Variants in SCNM1 observed in about 807,000 individuals in gnomAD.
SCNM1 encodes sodium channel modifier 1.
Under a neutral mutation model 32.8 loss-of-function variants are expected in SCNM1, and 24 were observed. The ratio of observed to expected loss-of-function variants is 0.73; its 90% CI spans 0.53 to 1.03. The LOEUF is 1.03. SCNM1 is among the 50% of genes least tolerant of loss of function. The pLI, the probability that SCNM1 is intolerant of heterozygous loss-of-function variation, is 0.00. For synonymous variants in SCNM1, 99 were observed against 103.2 expected (o/e 0.96, Z 0.25); for missense variants, 274 against 282.3 (o/e 0.97, Z 0.21).
rs1455464782 is a variant in SCNM1, at chr1:151,166,495, G to A, written c.76G>A (p.Ala26Thr). The A allele has an allele frequency of 6.2e-7, 1 of 1,614,022 alleles. No homozygotes were observed. The highest frequency in any genetic ancestry group is 8.5e-7 in the Non-Finnish European group (1 of 1,179,992). Reference protein sequence around the residue: ...LKKRRVGDLLASYIPEDEALM... With the variant: ...LKKRRVGDLLTSYIPEDEALM... Reference sequence around the variant, plus strand: ...GAAAAGAAGAGTCGGGGACCTCCTAGCCAGTTACATTCCAGAGGATGAGGC... The same window carrying A: ...GAAAAGAAGAGTCGGGGACCTCCTAACCAGTTACATTCCAGAGGATGAGGC... Residue 26 changes from alanine to threonine, a missense_variant, in exon 2 of 7, where the codon GCC (alanine) becomes ACC (threonine). Coordinates refer to ENST00000368905, the MANE Select transcript of SCNM1 (RefSeq NM_024041.4).
At chr1:151,166,352 T>A (rs1364182281) in intron 1 of SCNM1, 119 bp from the exon 2 acceptor site, 2 of 1,543,246 alleles carry the variant, frequency 1.3e-6, no homozygotes, top group Non-Finnish European at 1.8e-6. Context: ...TTTCGGTCTA[T>A]GATCGCTGTT....
chr1:151,168,214 A>G lies in SCNM1; in HGVS notation c.469A>G (p.Lys157Glu). 3.7e-6 allele frequency: 6 copies of G among 1,614,154 alleles called. No individual in the cohort carries two copies. The highest frequency in any genetic ancestry group is 5.1e-6 in the Non-Finnish European group (6 of 1,180,022). The part of the protein sequence containing the change: ...PPSEVKLQSG[K>E]ISREPEPAAG... ...CTCAGAGGTCAAACTCCAAAGTGGG[A>G]AGATCAGTAGGGAACCTGAACCTGC... is the stretch of plus-strand genomic sequence containing the variant. Residue 157 changes from lysine to glutamate, a missense_variant, in exon 6 of 7, where the codon AAG becomes GAG. Coordinates refer to ENST00000368905, the MANE Select transcript of SCNM1 (RefSeq NM_024041.4).
intron 6 of SCNM1, among the ~76,000 whole-genome samples, chr1:151,168,589 G>A (rs1683824200): frequency 8.9e-6 from 1 of 112,314 alleles, no homozygotes; most frequent in African/African-American, 2.5e-5. Context: ...TGTATTTTTA[G>A]TAGAGACGGG....
chr1:151,168,790 C>CTTTTTT (rs147127258), intron 6 of SCNM1, among the ~76,000 whole-genome samples, 196 bp from the exon 7 acceptor site: 1 of 40,376 alleles, frequency 2.5e-5, no homozygotes, highest in African/African-American at 1.1e-4. Flanking sequence ...TCACTGCTAA[C>CTTTTTT]TTTTTTTTTT....
intron 2 of SCNM1, 87 bp from the exon 3 acceptor site, chr1:151,166,847 A>G: frequency 3.2e-6 from 5 of 1,578,634 alleles, no homozygotes; most frequent in Non-Finnish European, 4.3e-6. Flanking sequence ...TTTTGCAAAG[A>G]CTGCTAGGAC....
intron 5 of SCNM1, chr1:151,167,648 A>G (rs587731721): frequency 8.2e-6 from 4 of 487,848 alleles, no homozygotes; most frequent in Middle Eastern, 5.9e-4. Context: ...CCTGGCCAAC[A>G]TGGTGAAATC....
Position 151,170,197 on chromosome 1 carries a change from T to C in SCNM1, c.*1112T>C, listed in dbSNP as rs1340206483. 1 of 1,494,118 alleles carries C rather than the reference T, an allele frequency of 6.7e-7. No homozygotes were observed. Among genetic ancestry groups the C allele is most frequent in the East Asian group, 2.3e-5 (1 of 44,310 alleles). 92.6% of individuals were successfully genotyped at this position (1,494,118 alleles called of 1,614,324 possible). The stretch of plus-strand genomic sequence containing the variant: ...CTTTCCAGTCCCTTAGCCAAACTCA[T>C]AAATTGGTAGTGTCTTAGGCCACCT... On this transcript the variant is annotated 3_prime_UTR_variant, in exon 7 of 7. Coordinates refer to ENST00000368905, the MANE Select transcript of SCNM1 (RefSeq NM_024041.4).
rs147425600 is a variant in SCNM1 at position 151,167,121 on chromosome 1, G to C, written c.212G>C (p.Ser71Thr). ...AHRAGKKHLS[S>T]LQLFYGKKQP... ...TAATTCTGTTTCCCTTTCTCCTCAG[G>C]CTTGCAGCTTTTCTATGGCAAGAAG... Residue 71 changes from serine to threonine, a missense_variant and splice_region_variant, in exon 4 of 7, where the codon AGC becomes ACC. Physicochemically the swap from Ser to Thr is moderately conservative, Grantham distance 58. Coordinates refer to ENST00000368905, the MANE Select transcript of SCNM1 (RefSeq NM_024041.4). The C allele has an allele frequency of 2.2e-5, 36 of 1,614,036 alleles. No homozygotes were observed. Among genetic ancestry groups the C allele is most frequent in the Non-Finnish European group, 3.0e-5 (35 of 1,180,038 alleles).
At chr1:151,167,641 G>A (rs1292803523) in intron 5 of SCNM1, 2 of 505,410 alleles carry the variant, frequency 4.0e-6, no homozygotes, top group Non-Finnish European at 7.1e-6. Flanking sequence ...AGACCAGCCT[G>A]GCCAACATGG....
chr1:151,168,447 T>C (rs1683812885), intron 6 of SCNM1, 109 bp downstream of exon 6: 2 of 1,415,082 alleles, frequency 1.4e-6, no homozygotes, highest in South Asian at 1.5e-5. Flanking sequence ...TCACTCTTGT[T>C]GCCCCAGCTG....
chr1:151,166,268 T>C, intron 1 of SCNM1, 65 bp downstream of exon 1: 1 of 1,556,412 alleles, frequency 6.4e-7, no homozygotes, highest in Non-Finnish European at 8.7e-7. Context: ...GAAGGAGCTT[T>C]GTTTCATTGC....
chr1:151,166,657 C>A, intron 2 of SCNM1, 116 bp downstream of exon 2: 1 of 1,469,670 alleles, frequency 6.8e-7, no homozygotes, highest in South Asian at 1.3e-5. Flanking sequence ...TGCCCTCGAA[C>A]TCTAGGGCTC....
Position 151,167,152 on chromosome 1 carries a change from G to T in SCNM1, c.243G>T (p.Pro81=), listed in dbSNP as rs983333489. 1.2e-6 allele frequency: 2 copies of T among 1,614,142 alleles called. No individual in the cohort carries two copies. The highest frequency in any genetic ancestry group is 3.3e-5 in the Admixed American group (2 of 60,012). Residue 81 remains proline, a synonymous_variant, in exon 4 of 7, where the codon CCG becomes CCT. Coordinates refer to ENST00000368905, the MANE Select transcript of SCNM1 (RefSeq NM_024041.4). The part of the protein sequence containing the change: ...SLQLFYGKKQ[P]GKERKQNPKH... ...AGCTTTTCTATGGCAAGAAGCAGCC[G>T]GGAAAGGAAAGAAAGCAGAATCCAA...
rs1439955372 is a variant in SCNM1 at position 151,167,334 on chromosome 1, G to A, written c.318G>A (p.Leu106=). 1.9e-6 allele frequency: 3 copies of A among 1,614,116 alleles called. No homozygotes were observed. The highest frequency in any genetic ancestry group is 2.5e-6 in the Non-Finnish European group (3 of 1,180,026). The part of the protein sequence containing the change: ...RREETKAEAP[L]LTQTRLITQS... ...TCCCATCTCCTTACCAGGCTCCTCT[G>A]CTAACTCAGACACGACTTATCACCC... is the stretch of plus-strand genomic sequence containing the variant. Residue 106 remains leucine, a synonymous_variant, in exon 5 of 7, where the codon CTG becomes CTA. Coordinates refer to ENST00000368905, the MANE Select transcript of SCNM1 (RefSeq NM_024041.4).
At chr1:151,166,247 C>T in intron 1 of SCNM1, 44 bp downstream of exon 1, 7 of 1,567,536 alleles carry the variant, frequency 4.5e-6, no homozygotes, top group Non-Finnish European at 5.2e-6. Flanking sequence ...CAGTCGCTCC[C>T]TGAAGGTTGG....
chr1:151,166,622 G>A (rs1010522089), intron 2 of SCNM1, 81 bp downstream of exon 2: 2 of 1,540,306 alleles, frequency 1.3e-6, no homozygotes, highest in African/African-American at 1.4e-5. Flanking sequence ...CCTTTGAGAC[G>A]GAGGTCTCGC....
At position 151,168,239 on chromosome 1, in the gene SCNM1, C is replaced by G. The variant is rs778971346; in HGVS notation, c.494C>G (p.Ala165Gly). Residue 165 changes from alanine to glycine, a missense_variant, in exon 6 of 7, where the codon GCG becomes GGG. Physicochemically the swap from Ala to Gly is moderately conservative, Grantham distance 60. Transcript: ENST00000368905. ...AAGATCAGTAGGGAACCTGAACCTG[C>G]GGCTGGCCCACAGGCCGAGGAGTCA... ...SGKISREPEP[A>G]AGPQAEESAT... 3 of 1,614,138 alleles carry G rather than the reference C, an allele frequency of 1.9e-6. No individual in the cohort carries two copies. Among genetic ancestry groups the G allele is most frequent in the Non-Finnish European group, 2.5e-6 (3 of 1,180,030 alleles).
rs5777765 is a variant in SCNM1, at chr1:151,169,240, C to CTTTT, written c.*174_*177dup. The CTTTT allele has an allele frequency of 1.9e-4, 54 of 282,492 alleles. No individual in the cohort carries two copies. The highest frequency in any genetic ancestry group is 1.3e-3 in the Middle Eastern group (1 of 790). The allele number at this position is 282,492 out of a possible 1,614,324, so 17.5% of individuals were successfully genotyped here. A position where few individuals can be genotyped will look rare whatever the true frequency, so the allele number is the denominator to read the frequency against. On this transcript the variant is annotated 3_prime_UTR_variant, in exon 7 of 7. Transcript: ENST00000368905. ...GCAAGGTACACAGCTCTCCACACTC[C>CTTTT]TTTTTTTTTTTTTTTTTTTTTTGAG...
chr1:151,166,339 C>A, intron 1 of SCNM1, 132 bp from the exon 2 acceptor site: 1 of 1,536,048 alleles, frequency 6.5e-7, no homozygotes. Flanking sequence ...GTAGTGACTC[C>A]TTTTTCGGTC....
Sources: allele counts gnomAD v4.1 joint callset (sites outside exome capture counted in the v4.1 genomes callset), GRCh38; gene constraint gnomAD v4.1.1; transcripts MANE v1.5; gene names NCBI Gene and HGNC (gene_info 2026-07-23, HGNC 2026-07-21).